The following IPO7 variants were observed in gnomAD, a reference collection of about 807,000 sequenced individuals.
IPO7 encodes the protein importin 7.
Under a neutral mutation model 136.4 loss-of-function variants are expected in IPO7, and 13 were observed. The ratio of observed to expected loss-of-function variants is 0.10; its 90% confidence interval spans 0.06 to 0.15. The LOEUF (loss-of-function observed/expected upper bound fraction) is 0.15, where lower values mean the gene tolerates loss of function less well. Among genes scored for constraint, IPO7 ranks in the 10% least tolerant of loss-of-function variants. The pLI, the probability that IPO7 is intolerant of heterozygous loss-of-function variation, is 1.00. For missense variants in IPO7, 857 were observed against 1,240.6 expected (o/e 0.69, Z 4.65); for synonymous variants, 403 against 404.4 (o/e 1.00, Z 0.04).
At position 9,435,165 on chromosome 11, in the gene IPO7, G is replaced by C. The variant is rs1009454310; in HGVS notation, c.2172+134G>C. On this transcript the variant is annotated intron_variant, in intron 19 of 24. Coordinates refer to ENST00000379719, the MANE Select transcript of IPO7 (RefSeq NM_006391.3). ...TCTGACAGAATTAAGGGCTTTAAAA[G>C]TTAAAAGTCATTGGTCCCTAGATGC... 4 of 620,696 alleles carry C rather than the reference G, an allele frequency of 6.4e-6. No homozygotes were observed. In the African/African-American group the frequency reaches 7.5e-5, roughly 12 times the overall value. 38.4% of individuals were successfully genotyped at this position (620,696 alleles called of 1,614,324 possible).
At chr11:9,410,524 C>A (rs962616397) in intron 4 of IPO7, among the ~76,000 whole-genome samples, 1 of 151,912 alleles carries the variant, frequency 6.6e-6, no homozygotes, top group Non-Finnish European at 1.5e-5. Context: ...AAGAAGAATT[C>A]ATTGGAATTT....
chr11:9,416,368 A>T (rs1855042625), intron 5 of IPO7, among the ~76,000 whole-genome samples: 1 of 152,226 alleles, frequency 6.6e-6, no homozygotes, highest in African/African-American at 2.4e-5. Flanking sequence ...ATTTGAATAA[A>T]CACTAGTCTT....
chr11:9,427,562 C>T (rs907185034), intron 12 of IPO7, among the ~76,000 whole-genome samples: 1 of 152,164 alleles, frequency 6.6e-6, no homozygotes, highest in African/African-American at 2.4e-5. Flanking sequence ...ACCCGGCCGT[C>T]TTTCATCTTT....
intron 8 of IPO7, among the ~76,000 whole-genome samples, chr11:9,421,584 C>T (rs1244663344): frequency 3.4e-5 from 5 of 148,968 alleles, no homozygotes; most frequent in Non-Finnish European, 7.4e-5. Context: ...GCTGAGATCA[C>T]GCCACTGCAC....
intron 16 of IPO7, among the ~76,000 whole-genome samples, chr11:9,432,737 A>G (rs1293816564): frequency 6.6e-6 from 1 of 152,174 alleles, no homozygotes; most frequent in East Asian, 1.9e-4. Context: ...GATCTAATTT[A>G]GGACTATCTA....
intron 5 of IPO7, 46 bp downstream of exon 5, chr11:9,414,457 A>G (rs1590437383): frequency 1.6e-6 from 2 of 1,233,092 alleles, no homozygotes; most frequent in East Asian, 2.5e-5. Context: ...TTAGTCTGTC[A>G]TTTACCGTGT....
intron 8 of IPO7, 116 bp downstream of exon 8, chr11:9,420,814 G>A: frequency 1.5e-6 from 1 of 669,482 alleles, no homozygotes; most frequent in Non-Finnish European, 2.6e-6. Context: ...CCCTGTACCA[G>A]GTCTCAAACA....
chr11:9,395,535 G>T (rs528747569), intron 1 of IPO7, among the ~76,000 whole-genome samples: 1 of 151,822 alleles, frequency 6.6e-6, no homozygotes, highest in Non-Finnish European at 1.5e-5. Flanking sequence ...CACCGCCCCC[G>T]GCCCTCACTT....
chr11:9,386,887 CA>C (rs1320034130), intron 1 of IPO7, among the ~76,000 whole-genome samples: 1 of 152,166 alleles, frequency 6.6e-6, no homozygotes, highest in African/African-American at 2.4e-5. Context: ...TAACTATTTA[CA>C]TTTCATACAT....
intron 15 of IPO7, chr11:9,430,649 G>A (rs1590448564): frequency 2.2e-6 from 1 of 458,742 alleles, no homozygotes; most frequent in East Asian, 3.3e-5. Context: ...AATCCCCGAA[G>A]TGGCATGCAG....
At chr11:9,410,936 G>GT in intron 4 of IPO7, among the ~76,000 whole-genome samples, 1 of 152,110 alleles carries the variant, frequency 6.6e-6, no homozygotes, top group East Asian at 1.9e-4. Flanking sequence ...CCCTCTTTGG[G>GT]TCCCATCTCA....
At chr11:9,388,181 A>AT (rs200566610) in intron 1 of IPO7, among the ~76,000 whole-genome samples, 9,957 of 146,026 alleles carry the variant, frequency 0.068, 422 homozygotes, top group Middle Eastern at 0.1. Flanking sequence ...AAATAAATAA[A>AT]TTTTTTTTTT....
chr11:9,437,216 G>C (rs1281251980), intron 20 of IPO7, among the ~76,000 whole-genome samples: 1 of 150,926 alleles, frequency 6.6e-6, no homozygotes, highest in Non-Finnish European at 1.5e-5. Flanking sequence ...AACTTGTGAA[G>C]CCATGATTGA....
intron 4 of IPO7, among the ~76,000 whole-genome samples, chr11:9,410,954 T>A (rs1168995017): frequency 6.6e-6 from 1 of 152,216 alleles, no homozygotes. Context: ...TCAAAGTGGC[T>A]GATGAACTGC....
At position 9,424,961 on chromosome 11, in the gene IPO7, T is replaced by G; in HGVS notation, c.1189T>G (p.Leu397Val). The G allele has an allele frequency of 1.3e-6, 2 of 1,589,114 alleles. No homozygotes were observed. The highest frequency in any genetic ancestry group is 1.7e-6 in the Non-Finnish European group (2 of 1,169,658). Residue 397 changes from leucine (L) to valine (V), a missense_variant, in exon 11 of 25, where the codon TTG (leucine) becomes GTG (valine). Around this residue, in one of 11 missense-constraint regions of IPO7, gnomAD observed 127 missense variants for 222.4 expected, o/e 0.57. Coordinates refer to ENST00000379719, the MANE Select transcript of IPO7 (RefSeq NM_006391.3). ...TCCTACCACTGCTGCCCAGACACTT[T>G]TGTTTACAGCCTGTAGTAAGAGGAA... Reference protein sequence around the residue: ...ISPTTAAQTLLFTACSKRKEV... With the variant: ...ISPTTAAQTLVFTACSKRKEV...
intron 9 of IPO7, among the ~76,000 whole-genome samples, chr11:9,423,366 A>G (rs972347569): frequency 4.6e-5 from 7 of 152,222 alleles, no homozygotes; most frequent in Non-Finnish European, 1.0e-4. Context: ...GTTGTCTTCA[A>G]ACTTGCAATT....
intron 1 of IPO7, among the ~76,000 whole-genome samples, chr11:9,397,341 A>AAAATATAT: frequency 0.042 from 456 of 10,782 alleles, 52 homozygotes; most frequent in Middle Eastern, 0.17. Flanking sequence ...TTTAAAAAAA[A>AAAATATAT]ATATATATAT....
chr11:9,413,705 T>C (rs1460904383), intron 4 of IPO7, among the ~76,000 whole-genome samples: 3 of 151,680 alleles, frequency 2.0e-5, no homozygotes, highest in Non-Finnish European at 2.9e-5. Context: ...CAGAAAATAC[T>C]GGATAATCTT....
chr11:9,433,697 T>C, intron 17 of IPO7, 24 bp from the exon 18 acceptor site: 1 of 1,613,218 alleles, frequency 6.2e-7, no homozygotes, highest in Non-Finnish European at 8.5e-7. Flanking sequence ...AGCATTTTCC[T>C]AATGACTTAG....
Sources: allele counts gnomAD v4.1 joint callset (sites outside exome capture counted in the v4.1 genomes callset), GRCh38; gene constraint gnomAD v4.1.1; regional missense constraint gnomAD v4.1.1; transcripts MANE v1.5; gene names NCBI Gene and HGNC (gene_info 2026-07-23, HGNC 2026-07-21).